NFIA: variants seen among roughly 807,000 people sequenced by gnomAD.
NFIA encodes nuclear factor 1 A-type.
A neutral mutation model predicts 62.8 loss-of-function variants in NFIA; 8 were observed. The observed-to-expected ratio is 0.13, with a 90% confidence interval of 0.07 to 0.23. The LOEUF (loss-of-function observed/expected upper bound fraction) is 0.23. Ranked by LOEUF, NFIA falls within the 10% of genes least tolerant of loss-of-function variation. The pLI, the probability that NFIA is intolerant of heterozygous loss-of-function variation, is 1.00. For missense variants in NFIA, 410 were observed against 642.1 expected (o/e 0.64, Z 3.91); for synonymous variants, 235 against 238.1 (o/e 0.99, Z 0.12).
intron 2 of NFIA, among the ~76,000 whole-genome samples, chr1:61,197,536 C>G (rs1652116409): frequency 6.6e-6 from 1 of 151,668 alleles, no homozygotes; most frequent in African/African-American, 2.4e-5. Flanking sequence ...CGCACCCGGC[C>G]ACTACTCTGG....
rs116672957 is a variant in NFIA at position 61,431,081 on chromosome 1, G to C, written c.1512+4525G>C. ...TTACTTCACTTTAGACACTATTAAC[G>C]TGCCCTGCATGCCCACCGAATGGTA... On this transcript the variant is annotated intron_variant, in intron 10 of 10. Transcript: ENST00000403491. 8.5e-3 allele frequency among the ~76,000 whole-genome samples: 1,292 copies of C among 152,104 alleles called. 13 individuals carry two copies. The highest frequency in any genetic ancestry group is 0.029 in the African/African-American group (1,210 of 41,470).
chr1:61,291,599 C>A (rs1412141388), intron 3 of NFIA, among the ~76,000 whole-genome samples: 1 of 152,162 alleles, frequency 6.6e-6, no homozygotes, highest in South Asian at 2.1e-4. Flanking sequence ...AGTTGAGGCA[C>A]ATGTTCATGA....
At chr1:61,271,461 T>C (rs557628438) in intron 2 of NFIA, among the ~76,000 whole-genome samples, 10 of 152,322 alleles carry the variant, frequency 6.6e-5, no homozygotes, top group African/African-American at 2.4e-4. Flanking sequence ...AGAAAAGTTT[T>C]GAGAAAGAAA....
rs538229340 is a variant in NFIA, at chr1:61,181,483, A to G, written c.559+92803A>G. Reference sequence around the variant, plus strand: ...TTATTTAGAAGGTACATTTTTGTTCATTGTGAAAGTCTGTAAGATGGAATT... The same window carrying G: ...TTATTTAGAAGGTACATTTTTGTTCGTTGTGAAAGTCTGTAAGATGGAATT... On this transcript the variant is annotated intron_variant, in intron 2 of 10. Coordinates refer to ENST00000403491, the MANE Select transcript of NFIA (RefSeq NM_001134673.4). Among the ~76,000 whole-genome samples the G allele has an allele frequency of 4.4e-3, 673 of 152,330 alleles. 6 individuals are homozygous for G. The highest frequency in any genetic ancestry group is 0.015 in the African/African-American group (642 of 41,584).
In NFIA at chr1:61,462,466, A is replaced by AC. The variant is rs1355442975; in HGVS notation, c.*7152dup. On this transcript the variant is annotated 3_prime_UTR_variant, in exon 11 of 11. Coordinates refer to ENST00000403491, the MANE Select transcript of NFIA (RefSeq NM_001134673.4). ...TAAGAGATCTGTTATGAAACGAAACACCCCCCGTGTTAATAACTTGGTCTG... is the reference window on the plus strand; with the variant it reads ...TAAGAGATCTGTTATGAAACGAAACACCCCCCCGTGTTAATAACTTGGTCTG... 1 of 151,432 alleles carries AC rather than the reference A, an allele frequency of 6.6e-6. No individual in the cohort carries two copies. The highest frequency in any genetic ancestry group is 1.5e-5 in the Non-Finnish European group (1 of 67,868). The allele number at this position is 151,432 out of a possible 1,614,324, so 9.4% of individuals were successfully genotyped here.
rs1422725120 is a variant in NFIA at position 61,359,174 on chromosome 1, G to A, written c.846G>A (p.Glu282=). The part of the protein sequence containing the change: ...TSSTKRLKSV[E]DEMDSPGEEP... ...CCACAAAGCGCCTCAAGTCTGTGGA[G>A]GATGAAATGGACAGTCCTGGTGAGG... The change falls in exon 6 of 11, where the codon GAG becomes GAA. Residue 282 remains glutamate, a synonymous_variant. Coordinates refer to ENST00000403491, the MANE Select transcript of NFIA (RefSeq NM_001134673.4). 2 of 1,613,282 alleles carry A rather than the reference G, an allele frequency of 1.2e-6. No individual in the cohort carries two copies. The highest frequency in any genetic ancestry group is 1.7e-6 in the Non-Finnish European group (2 of 1,179,988).
chr1:61,162,788 C>G (rs1025057073), intron 2 of NFIA, among the ~76,000 whole-genome samples: 1 of 151,570 alleles, frequency 6.6e-6, no homozygotes, highest in Non-Finnish European at 1.5e-5. Context: ...CACCACCCCC[C>G]ACAACATAAT....
chr1:61,206,832 G>GCA (rs1003473631), intron 2 of NFIA, among the ~76,000 whole-genome samples: 2 of 152,014 alleles, frequency 1.3e-5, no homozygotes, highest in Non-Finnish European at 2.9e-5. Flanking sequence ...CCTCATGGCA[G>GCA]CACACACACA....
upstream of NFIA, among the ~76,000 whole-genome samples, chr1:61,080,176 TTAAGA>T (rs1646078576): frequency 6.6e-6 from 1 of 152,082 alleles, no homozygotes; most frequent in Admixed American, 6.5e-5. Flanking sequence ...CAAAAGTTAC[TTAAGA>T]TAATATTGCT....
rs79561610 is a variant in NFIA, at chr1:61,161,049, C to T, written c.559+72369C>T. Among the ~76,000 whole-genome samples the T allele has an allele frequency of 3.5e-3, 526 of 152,162 alleles. 2 individuals carry two copies. The highest frequency in any genetic ancestry group is 0.012 in the African/African-American group (507 of 41,502). On this transcript the variant is annotated intron_variant, in intron 2 of 10. Transcript: ENST00000403491. ...CCTGCCTCAGCCTCTTGAGTAGCAG[C>T]GATTACAGGCACTCGCCACTATGCC...
chr1:61,098,633 C>T (rs1374948573), intron 2 of NFIA, among the ~76,000 whole-genome samples: 1 of 152,154 alleles, frequency 6.6e-6, no homozygotes, highest in Non-Finnish European at 1.5e-5. Flanking sequence ...TGTATGGCCT[C>T]TTAATATGTG....
chr1:61,083,898 C>G (rs1351718386), intron 1 of NFIA, among the ~76,000 whole-genome samples: 5 of 152,134 alleles, frequency 3.3e-5, no homozygotes. Flanking sequence ...TTCCGTGCCC[C>G]CCTGTCCATT....
chr1:61,323,217 A>G (rs147065385), intron 3 of NFIA, among the ~76,000 whole-genome samples: 1 of 152,348 alleles, frequency 6.6e-6, no homozygotes, highest in African/African-American at 2.4e-5. Context: ...AATCATACCC[A>G]TGTTACAAAT....
chr1:61,147,008 T>C (rs1648059395), intron 2 of NFIA, among the ~76,000 whole-genome samples: 1 of 152,156 alleles, frequency 6.6e-6, no homozygotes, highest in African/African-American at 2.4e-5. Flanking sequence ...GATTAGTGAA[T>C]CTTACGGATG....
chr1:61,424,728 T>G (rs1417691949), intron 9 of NFIA, among the ~76,000 whole-genome samples: 1 of 152,194 alleles, frequency 6.6e-6, no homozygotes, highest in African/African-American at 2.4e-5. Flanking sequence ...TATCAGATAA[T>G]TATAGTCTCT....
At chr1:61,314,793 G>A (rs1660284783) in intron 3 of NFIA, among the ~76,000 whole-genome samples, 1 of 152,182 alleles carries the variant, frequency 6.6e-6, no homozygotes, top group Non-Finnish European at 1.5e-5. Context: ...TAAGGATACA[G>A]AAATGATATC....
intron 2 of NFIA, among the ~76,000 whole-genome samples, chr1:61,241,032 A>C (rs1480234435): frequency 6.6e-6 from 1 of 151,444 alleles, no homozygotes; most frequent in African/African-American, 2.4e-5. Context: ...TTCTTTACCT[A>C]AGGAGAGTTT....
intron 6 of NFIA, among the ~76,000 whole-genome samples, chr1:61,369,810 A>G (rs1170714264): frequency 1.3e-5 from 2 of 152,068 alleles, no homozygotes; most frequent in Non-Finnish European, 2.9e-5. Context: ...GTGCATACAT[A>G]TACATTCATT....
rs753728092 is a variant in NFIA at position 61,462,681 on chromosome 1, A to G, written c.*7361A>G. 2.0e-5 allele frequency: 3 copies of G among 152,212 alleles called. No homozygotes were observed. Among genetic ancestry groups the G allele is most frequent in the Non-Finnish European group, 4.4e-5 (3 of 68,032 alleles). 9.4% of individuals were successfully genotyped at this position (152,212 alleles called of 1,614,324 possible). On this transcript the variant is annotated 3_prime_UTR_variant, in exon 11 of 11. Transcript: ENST00000403491. ...TGGTGTGGATTAGTTTAACTCTTGT[A>G]TTCAACCATTAGTGCTACCACCTTC...
Sources: allele counts gnomAD v4.1 joint callset (sites outside exome capture counted in the v4.1 genomes callset), GRCh38; gene constraint gnomAD v4.1.1; transcripts MANE v1.5; gene names NCBI Gene and HGNC (gene_info 2026-07-23, HGNC 2026-07-21).